Variants in PTK2 observed in about 807,000 individuals in gnomAD.
PTK2 encodes focal adhesion kinase 1.
PTK2 carries 45 observed loss-of-function variants against 150.1 expected under a neutral mutation model. That is an observed-to-expected ratio of 0.30 (90% CI 0.24 to 0.38). The LOEUF (loss-of-function observed/expected upper bound fraction) is 0.38. Among genes scored for constraint, PTK2 ranks in the 10% least tolerant of loss-of-function variants. The pLI, the probability that PTK2 is intolerant of heterozygous loss-of-function variation, is 1.00. For synonymous variants in PTK2, 432 were observed against 449.2 expected, an observed-to-expected ratio of 0.96 and a Z score of 0.48; for missense variants, 919 against 1,307.3, an observed-to-expected ratio of 0.70 and a Z score of 4.58.
intron 5 of PTK2, among the ~76,000 whole-genome samples, chr8:140,854,674 ATATT>A (rs2100131416): frequency 6.6e-6 from 1 of 152,188 alleles, no homozygotes; most frequent in South Asian, 2.1e-4. Context: ...ATAGGTCAAA[ATATT>A]TAGTAAGTCA....
intron 8 of PTK2, chr8:140,821,045 G>C (rs1031751117): frequency 2.0e-5 from 3 of 152,354 alleles, no homozygotes; most frequent in African/African-American, 7.2e-5. Context: ...ACTACAGAAA[G>C]TGAGCTGGAA....
chr8:140,866,874 T>C (rs2100139631), intron 4 of PTK2, among the ~76,000 whole-genome samples: 1 of 152,172 alleles, frequency 6.6e-6, no homozygotes, highest in African/African-American at 2.4e-5. Context: ...AATGATTAAG[T>C]ATTATTTTTA....
At chr8:140,927,992 ATG>A (rs1199101313) in intron 1 of PTK2, among the ~76,000 whole-genome samples, 2 of 133,680 alleles carry the variant, frequency 1.5e-5, no homozygotes, top group African/African-American at 5.5e-5. Context: ...ATATATATAT[ATG>A]TATATATATA....
Position 140,864,224 on chromosome 8 carries a change from A to C in PTK2, c.450+88T>G, listed in dbSNP as rs1210130018. ...ACAAATTTCTATTCCTCCAAACGTGAGCTTTAATCAAATTTGAAAATAAAA... is the reference window on the plus strand; with the variant it reads ...ACAAATTTCTATTCCTCCAAACGTGCGCTTTAATCAAATTTGAAAATAAAA... On this transcript the variant is annotated intron_variant, in intron 5 of 31. Coordinates refer to ENST00000522684, the Ensembl canonical transcript of PTK2. 5.6e-6 allele frequency: 4 copies of C among 720,664 alleles called. No homozygotes were observed. The East Asian group carries it at 1.2e-4, about 21-fold the overall frequency. 44.6% of individuals were successfully genotyped at this position (720,664 alleles called of 1,614,324 possible).
chr8:140,680,331 G>GA (rs1020362921), intron 27 of PTK2, among the ~76,000 whole-genome samples: 2 of 152,032 alleles, frequency 1.3e-5, no homozygotes, highest in Admixed American at 1.3e-4. Flanking sequence ...AGGTTCAAGC[G>GA]ATTCTCCTGC....
At chr8:140,979,695 G>T (rs984579333) in intron 1 of PTK2, among the ~76,000 whole-genome samples, 1 of 152,116 alleles carries the variant, frequency 6.6e-6, no homozygotes, top group Non-Finnish European at 1.5e-5. Context: ...CCGGTGGGAG[G>T]TAACTGAATC....
chr8:140,973,489 T>TAC (rs1053419531), intron 1 of PTK2, among the ~76,000 whole-genome samples: 10 of 151,504 alleles, frequency 6.6e-5, no homozygotes, highest in African/African-American at 2.4e-4. Flanking sequence ...GGGGCACACA[T>TAC]ACACACACAC....
chr8:140,978,962 A>C (rs1569534451), intron 1 of PTK2, among the ~76,000 whole-genome samples: 1 of 151,858 alleles, frequency 6.6e-6, no homozygotes, highest in Non-Finnish European at 1.5e-5. Flanking sequence ...CTTTGTAGGG[A>C]CATGGATGAA....
intron 14 of PTK2, among the ~76,000 whole-genome samples, chr8:140,774,745 G>A (rs2100077450): frequency 6.6e-6 from 1 of 152,200 alleles, no homozygotes; most frequent in Non-Finnish European, 1.5e-5. Context: ...AACCAAGATG[G>A]TGACAAAAGT....
intron 7 of PTK2, among the ~76,000 whole-genome samples, chr8:140,833,485 A>C (rs892297810): frequency 6.6e-6 from 1 of 152,198 alleles, no homozygotes; most frequent in African/African-American, 2.4e-5. Context: ...TAGATATCTA[A>C]ATTTAAAGCC....
At chr8:140,810,676 A>G (rs1005099119) in intron 10 of PTK2, among the ~76,000 whole-genome samples, 14 of 152,196 alleles carry the variant, frequency 9.2e-5, no homozygotes, top group African/African-American at 3.4e-4. Context: ...GCACATGTGC[A>G]CGCAACCCCA....
intron 4 of PTK2, among the ~76,000 whole-genome samples, chr8:140,871,454 T>C (rs982736392): frequency 6.6e-6 from 1 of 152,198 alleles, no homozygotes; most frequent in Non-Finnish European, 1.5e-5. Context: ...AGAATACTTT[T>C]AGCTATGACA....
chr8:140,875,373 T>G (rs2100144898), intron 4 of PTK2, among the ~76,000 whole-genome samples: 1 of 152,148 alleles, frequency 6.6e-6, no homozygotes, highest in Non-Finnish European at 1.5e-5. Context: ...AACCATCACA[T>G]CAGATCCCAA....
intron 2 of PTK2, among the ~76,000 whole-genome samples, chr8:140,892,785 G>C (rs2100154663): frequency 6.6e-6 from 1 of 152,152 alleles, no homozygotes; most frequent in South Asian, 2.1e-4. Context: ...CTTTTAAAAT[G>C]AGGGGGGAAA....
At chr8:140,692,776 C>T (rs911705073) in intron 26 of PTK2, among the ~76,000 whole-genome samples, 1 of 152,158 alleles carries the variant, frequency 6.6e-6, no homozygotes, top group African/African-American at 2.4e-5. Flanking sequence ...AATCTGGAAT[C>T]TGGTATGAGG....
intron 1 of PTK2, among the ~76,000 whole-genome samples, chr8:140,967,750 G>A (rs998003593): frequency 1.3e-5 from 2 of 151,926 alleles, no homozygotes; most frequent in African/African-American, 2.4e-5. Context: ...GAGCCACCGC[G>A]CCTGGCCTAA....
intron 7 of PTK2, among the ~76,000 whole-genome samples, chr8:140,836,387 G>A (rs1476009988): frequency 1.3e-5 from 2 of 152,138 alleles, no homozygotes; most frequent in Non-Finnish European, 2.9e-5. Context: ...ATACATACGT[G>A]GTGATGAGTG....
At chr8:140,841,036 T>C (rs2100122017) in intron 7 of PTK2, among the ~76,000 whole-genome samples, 1 of 152,214 alleles carries the variant, frequency 6.6e-6, no homozygotes, top group African/African-American at 2.4e-5. Flanking sequence ...AGAAGGTATA[T>C]TGTTCGTATG....
chr8:140,708,669 G>A (rs1050779635), intron 23 of PTK2, among the ~76,000 whole-genome samples: 2 of 152,098 alleles, frequency 1.3e-5, no homozygotes, highest in Admixed American at 6.6e-5. Context: ...AACAGGAAAA[G>A]GGTATAAAGA....
Sources: allele counts gnomAD v4.1 joint callset (sites outside exome capture counted in the v4.1 genomes callset), GRCh38; gene constraint gnomAD v4.1.1; transcripts MANE v1.5; gene names NCBI Gene and HGNC (gene_info 2026-07-23, HGNC 2026-07-21).